GRID2: variants seen among roughly 807,000 people sequenced by gnomAD.
The protein encoded by GRID2 is glutamate receptor ionotropic, delta-2.
A neutral mutation model predicts 114.8 loss-of-function variants in GRID2; 33 were observed. The ratio of observed to expected loss-of-function variants is 0.29; its 90% confidence interval spans 0.22 to 0.38. The LOEUF (loss-of-function observed/expected upper bound fraction) is 0.38. Ranked by LOEUF, GRID2 falls within the 10% of genes least tolerant of loss-of-function variation. The pLI is 1.00. For synonymous variants in GRID2, 505 were observed against 449.9 expected (o/e 1.12, Z -1.55); for missense variants, 1,184 against 1,257.7 (o/e 0.94, Z 0.89).
chr4:92,670,356 G>A (rs1303005063), intron 2 of GRID2, among the ~76,000 whole-genome samples: 1 of 152,018 alleles, frequency 6.6e-6, no homozygotes, highest in Non-Finnish European at 1.5e-5. Context: ...ATTTTTGGGA[G>A]CTTGCAGTGG....
intron 14 of GRID2, among the ~76,000 whole-genome samples, chr4:93,695,551 T>C (rs1428413751): frequency 1.3e-5 from 2 of 152,182 alleles, no homozygotes; most frequent in Non-Finnish European, 2.9e-5. Flanking sequence ...TAGGATAGCT[T>C]GGTACACCCA....
At chr4:92,583,450 G>A (rs1728273242) in intron 1 of GRID2, among the ~76,000 whole-genome samples, 1 of 151,922 alleles carries the variant, frequency 6.6e-6, no homozygotes, top group Admixed American at 6.6e-5. Context: ...CTTGTGAAGG[G>A]TTAGATAAGA....
At chr4:92,681,960 A>C (rs1733671256) in intron 2 of GRID2, among the ~76,000 whole-genome samples, 1 of 152,166 alleles carries the variant, frequency 6.6e-6, no homozygotes, top group African/African-American at 2.4e-5. Context: ...AGGTTATTTA[A>C]AGAGAGGAAA....
intron 8 of GRID2, among the ~76,000 whole-genome samples, chr4:93,314,988 A>G (rs1374908272): frequency 6.6e-6 from 1 of 152,074 alleles, no homozygotes; most frequent in Non-Finnish European, 1.5e-5. Flanking sequence ...AGACTGGGTA[A>G]TTTATAAAGA....
intron 2 of GRID2, among the ~76,000 whole-genome samples, chr4:92,961,570 T>C (rs1039349860): frequency 1.7e-4 from 26 of 151,762 alleles, no homozygotes; most frequent in South Asian, 1.2e-3. Flanking sequence ...CTTTTTTTCT[T>C]TCTCTCTAGT....
chr4:93,296,329 C>G (rs1754312036), intron 8 of GRID2, among the ~76,000 whole-genome samples: 1 of 123,736 alleles, frequency 8.1e-6, no homozygotes, highest in African/African-American at 3.1e-5. Context: ...CCAAAATAAT[C>G]TCCCATGTCA....
In GRID2 at chr4:93,593,842, C is replaced by T. The variant is rs375662308; in HGVS notation, c.2194-32427C>T. 3.6e-3 allele frequency among the ~76,000 whole-genome samples: 550 copies of T among 152,188 alleles called. 1 individual carries two copies. The highest frequency in any genetic ancestry group is 0.012 in the East Asian group (60 of 5,176). On this transcript the variant is annotated intron_variant, in intron 13 of 15. Coordinates refer to ENST00000282020, the MANE Select transcript of GRID2 (RefSeq NM_001510.4). ...GCTGATACCCTTTCTTCCAGTTGAT[C>T]GCATCGGCTCCTGAGGCTTCTGCAT...
At chr4:93,255,835 T>C (rs1749517777) in intron 8 of GRID2, among the ~76,000 whole-genome samples, 1 of 152,080 alleles carries the variant, frequency 6.6e-6, no homozygotes, top group African/African-American at 2.4e-5. Flanking sequence ...TTATTCCTTA[T>C]AAATTACCCA....
At chr4:93,800,085 T>C (rs1046354179) in intron 1 of GRID2, among the ~76,000 whole-genome samples, 3 of 152,196 alleles carry the variant, frequency 2.0e-5, no homozygotes, top group Non-Finnish European at 4.4e-5. Flanking sequence ...GTCTAATACC[T>C]AACCTACCAA....
At chr4:92,873,144 C>CT in intron 2 of GRID2, among the ~76,000 whole-genome samples, 1 of 152,154 alleles carries the variant, frequency 6.6e-6, no homozygotes, top group African/African-American at 2.4e-5. Context: ...GATTGTGCTT[C>CT]TTTGGATCAT....
intron 2 of GRID2, among the ~76,000 whole-genome samples, chr4:93,030,900 A>G (rs1724360636): frequency 6.6e-6 from 1 of 152,008 alleles, no homozygotes; most frequent in Non-Finnish European, 1.5e-5. Context: ...AAGAGAGAAA[A>G]CAAATCTCAA....
At chr4:93,212,725 C>T (rs1743687351) in intron 5 of GRID2, among the ~76,000 whole-genome samples, 2 of 151,532 alleles carry the variant, frequency 1.3e-5, no homozygotes, top group South Asian at 4.1e-4. Flanking sequence ...CTGTTAATCA[C>T]TGCTGAGTAT....
chr4:93,428,835 A>T (rs1471231949), intron 10 of GRID2, among the ~76,000 whole-genome samples: 1 of 152,236 alleles, frequency 6.6e-6, no homozygotes, highest in Non-Finnish European at 1.5e-5. Context: ...ACGCCCACTC[A>T]GGAAAATGAA....
chr4:93,494,694 T>C (rs1026836365), intron 12 of GRID2, among the ~76,000 whole-genome samples: 2 of 151,770 alleles, frequency 1.3e-5, no homozygotes, highest in Non-Finnish European at 2.9e-5. Flanking sequence ...AGTTCAGTTC[T>C]TAAAGGGAAA....
intron 14 of GRID2, among the ~76,000 whole-genome samples, chr4:93,664,920 A>C (rs1723819690): frequency 6.6e-6 from 1 of 152,226 alleles, no homozygotes; most frequent in East Asian, 1.9e-4. Flanking sequence ...ATGAAACAAA[A>C]TCAAGTATTA....
chr4:93,098,988 C>CGTGTGTGT (rs1560876762), intron 3 of GRID2, among the ~76,000 whole-genome samples: 1 of 76,288 alleles, frequency 1.3e-5, no homozygotes, highest in Non-Finnish European at 2.7e-5. Flanking sequence ...AAGATCATTT[C>CGTGTGTGT]CTGTGTGTGT....
At chr4:92,378,412 T>C (rs2110232117) in intron 1 of GRID2, among the ~76,000 whole-genome samples, 1 of 152,278 alleles carries the variant, frequency 6.6e-6, no homozygotes, top group Non-Finnish European at 1.5e-5. Flanking sequence ...AGTTTAAGGA[T>C]TGTATTTAAT....
chr4:92,480,368 A>G (rs1173144872), intron 1 of GRID2, among the ~76,000 whole-genome samples: 1 of 152,134 alleles, frequency 6.6e-6, no homozygotes. Flanking sequence ...TAGTGTTGAA[A>G]TATAACATTT....
chr4:93,341,589 G>A (rs1015724680), intron 8 of GRID2, among the ~76,000 whole-genome samples: 3 of 152,172 alleles, frequency 2.0e-5, no homozygotes, highest in African/African-American at 7.2e-5. Flanking sequence ...CTGCCAAACT[G>A]CTAGGATTAT....
Sources: gnomAD v4.1 joint callset for allele counts (sites outside exome capture counted in the v4.1 genomes callset) on GRCh38, gnomAD v4.1.1 for gene constraint, MANE v1.5 for transcripts, NCBI Gene and HGNC (gene_info 2026-07-23, HGNC 2026-07-21) for gene names.